The following SHCBP1L variants were observed in gnomAD, a reference collection of about 807,000 sequenced individuals.
SHCBP1L encodes SHC binding and spindle associated 1 like.
SHCBP1L carries 67 observed loss-of-function variants against 62.5 expected under a neutral mutation model. That is an observed-to-expected ratio of 1.07 (90% confidence interval 0.88 to 1.31). The LOEUF is 1.31. SHCBP1L is among the 40% of genes most tolerant of loss of function. SHCBP1L has a pLI of 0.00. For missense variants in SHCBP1L, 823 were observed against 809.8 expected (o/e 1.02, Z -0.20); for synonymous variants, 284 against 289.4 (o/e 0.98, Z 0.19).
intron 6 of SHCBP1L, among the ~76,000 whole-genome samples, chr1:182,908,450 C>A (rs539262207): frequency 4.6e-5 from 7 of 152,262 alleles, no homozygotes; most frequent in East Asian, 1.9e-4. Context: ...GACATGATTT[C>A]ATTCTTTTTA....
chr1:182,904,420 C>A lies in SHCBP1L; in HGVS notation c.1347G>T (p.Lys449Asn), dbSNP rs777983657. 1.9e-6 allele frequency: 3 copies of A among 1,613,994 alleles called. No individual in the cohort carries two copies. The highest frequency in any genetic ancestry group is 3.3e-5 in the Admixed American group (2 of 60,020). ...TDDIIIKGVG[K>N]REEIMITSEP... ...CAGAAGTAATCATAATTTCCTCTCT[C>A]TTTCCAACTCCTGATTCATAGGGAT... The change falls in exon 8 of 10, where the codon AAG (lysine) becomes AAT (asparagine). Residue 449 changes from lysine (K) to asparagine (N), a missense_variant. Coordinates refer to ENST00000367547, the MANE Select transcript of SHCBP1L (RefSeq NM_030933.4).
At chr1:182,930,764 G>T (rs1241478840) in intron 5 of SHCBP1L, among the ~76,000 whole-genome samples, 8 of 118,742 alleles carry the variant, frequency 6.7e-5, no homozygotes. Context: ...TAAAGACAGG[G>T]TCTTACCCTG....
chr1:182,942,225 C>T, intron 2 of SHCBP1L: 1 of 1,357,728 alleles, frequency 7.4e-7, no homozygotes, highest in South Asian at 1.2e-5. Flanking sequence ...GCCTGTTTTC[C>T]CTTTGCTCCC....
chr1:182,916,156 A>T (rs1195350859), intron 6 of SHCBP1L, among the ~76,000 whole-genome samples: 1 of 152,156 alleles, frequency 6.6e-6, no homozygotes, highest in African/African-American at 2.4e-5. Flanking sequence ...ACAAAAGGAA[A>T]ATCTGAAGAT....
Position 182,952,765 on chromosome 1 carries a change from C to T in SHCBP1L, c.369G>A (p.Val123=). 1 of 1,612,026 alleles carries T rather than the reference C, an allele frequency of 6.2e-7. No individual in the cohort carries two copies. The highest frequency in any genetic ancestry group is 8.5e-7 in the Non-Finnish European group (1 of 1,179,240). The change falls in exon 1 of 10, where the codon GTG becomes GTA. Residue 123 remains valine (V), a synonymous_variant. Coordinates refer to ENST00000367547, the MANE Select transcript of SHCBP1L (RefSeq NM_030933.4). Reference sequence around the variant, plus strand: ...GCAGCACTTCGTCGCAATACAGCGACACCTTCTCGTCCCGCCACATCCCCC... The same window carrying T: ...GCAGCACTTCGTCGCAATACAGCGATACCTTCTCGTCCCGCCACATCCCCC... The part of the protein sequence containing the change: ...RMRGMWRDEK[V]SLYCDEVLQD...
At chr1:182,900,366 T>C (rs1649790289) in intron 9 of SHCBP1L, 132 bp from the exon 10 acceptor site, 1 of 719,660 alleles carries the variant, frequency 1.4e-6, no homozygotes, top group East Asian at 2.9e-5. Context: ...ACTCTCAATT[T>C]TGAACAAGTG....
At chr1:182,945,407 G>T (rs1453974667) in intron 2 of SHCBP1L, among the ~76,000 whole-genome samples, 3 of 152,186 alleles carry the variant, frequency 2.0e-5, no homozygotes, top group Non-Finnish European at 2.9e-5. Flanking sequence ...CTCTTCCAGA[G>T]TTCTCTGACC....
rs978874738 is a variant in SHCBP1L, at chr1:182,939,476, C to T, written c.848G>A (p.Arg283Lys). 1 of 1,604,480 alleles carries T rather than the reference C, an allele frequency of 6.2e-7. No homozygotes were observed. The highest frequency in any genetic ancestry group is 1.1e-5 in the South Asian group (1 of 88,786). The change falls in exon 4 of 10, where the codon AGA becomes AAA. Residue 283 changes from arginine (R) to lysine (K), a missense_variant. By Grantham distance (26) the Arg-to-Lys change is conservative. Coordinates refer to ENST00000367547, the MANE Select transcript of SHCBP1L (RefSeq NM_030933.4). ...TATAAACTATACTTACAAATTAATT[C>T]TTTCTTCAATAAGTGCAGTATAATT... The part of the protein sequence containing the change: ...CENYTALIEE[R>K]INLWCDIQDG...
In SHCBP1L at chr1:182,942,425, GC is replaced by G. The variant is rs1571357620; in HGVS notation, c.556-1883del. The stretch of plus-strand genomic sequence containing the variant: ...TATCCTGGCGGCAGGCAGGGCGCGT[GC>G]CGGGTGCCTGCGGGCCGTGGCGCGC... On this transcript the variant is annotated intron_variant, in intron 2 of 9. Coordinates refer to ENST00000367547, the MANE Select transcript of SHCBP1L (RefSeq NM_030933.4). 15 of 699,646 alleles carry G rather than the reference GC, an allele frequency of 2.1e-5. 1 individual carries two copies. The East Asian group carries it at 3.3e-4, about 15-fold the overall frequency. The allele number at this position is 699,646 out of a possible 1,614,324, so 43.3% of individuals were successfully genotyped here.
chr1:182,924,794 A>AAGAAAGAGAG (rs1557996924), intron 6 of SHCBP1L, among the ~76,000 whole-genome samples: 8 of 117,476 alleles, frequency 6.8e-5, no homozygotes, highest in South Asian at 3.1e-4. Context: ...GAAAGAGAGA[A>AAGAAAGAGAG]AGAAAGGAAG....
intron 9 of SHCBP1L, 64 bp downstream of exon 9, chr1:182,902,975 A>G: frequency 7.8e-7 from 1 of 1,283,984 alleles, no homozygotes; most frequent in Non-Finnish European, 1.1e-6. Flanking sequence ...TAAAACTAAT[A>G]TTTTAGTACT....
intron 2 of SHCBP1L, among the ~76,000 whole-genome samples, chr1:182,949,916 C>T (rs571204226): frequency 1.3e-5 from 2 of 151,498 alleles, no homozygotes; most frequent in South Asian, 4.2e-4. Flanking sequence ...ATCCTCCCAC[C>T]TCAGCCTCCT....
intron 2 of SHCBP1L, among the ~76,000 whole-genome samples, chr1:182,946,059 T>TAAAA (rs1392288364): frequency 7.8e-6 from 1 of 127,880 alleles, no homozygotes; most frequent in Non-Finnish European, 1.7e-5. Context: ...GACTCCGTCT[T>TAAAA]AAAAAAAAAA....
At chr1:182,912,000 T>C (rs1246041758) in intron 6 of SHCBP1L, among the ~76,000 whole-genome samples, 5 of 152,256 alleles carry the variant, frequency 3.3e-5, no homozygotes. Flanking sequence ...CCACAGTCCT[T>C]ATTACAGCTT....
intron 6 of SHCBP1L, among the ~76,000 whole-genome samples, chr1:182,906,739 C>T (rs931232096): frequency 6.6e-5 from 10 of 152,216 alleles, no homozygotes; most frequent in African/African-American, 2.4e-4. Context: ...CAAAATTATA[C>T]TTATCAAAGA....
At chr1:182,905,983 G>A (rs962599122) in intron 6 of SHCBP1L, among the ~76,000 whole-genome samples, 9 of 152,136 alleles carry the variant, frequency 5.9e-5, no homozygotes, top group Non-Finnish European at 1.0e-4. Context: ...CGCCCAGGCT[G>A]GAGGGCAATG....
At chr1:182,937,830 TCTGA>T (rs1251440151) in intron 5 of SHCBP1L, among the ~76,000 whole-genome samples, 1 of 152,234 alleles carries the variant, frequency 6.6e-6, no homozygotes, top group African/African-American at 2.4e-5. Context: ...TTTTAAATTC[TCTGA>T]CTGATGAATT....
intron 6 of SHCBP1L, among the ~76,000 whole-genome samples, chr1:182,916,896 G>A (rs1045632361): frequency 5.3e-5 from 8 of 152,212 alleles, no homozygotes; most frequent in Non-Finnish European, 1.0e-4. Flanking sequence ...CTTGAAGGTA[G>A]AGGGTGGGAG....
chr1:182,915,161 CAAAAAAAAAAA>C (rs371432299), intron 6 of SHCBP1L, among the ~76,000 whole-genome samples: 31 of 31,900 alleles, frequency 9.7e-4, no homozygotes, highest in East Asian at 5.1e-3. Flanking sequence ...GACTCTGTCT[CAAAAAAAAAAA>C]AAAAAAAAAA....
Sources: gnomAD v4.1 joint callset for allele counts (sites outside exome capture counted in the v4.1 genomes callset) on GRCh38, gnomAD v4.1.1 for gene constraint, MANE v1.5 for transcripts, NCBI Gene and HGNC (gene_info 2026-07-23, HGNC 2026-07-21) for gene names.